KNDC1: variants seen among roughly 807,000 people sequenced by gnomAD.
The protein encoded by KNDC1 is kinase non-catalytic C-lobe domain containing 1, also known as kinase non-catalytic C-lobe domain-containing protein 1.
KNDC1 carries 106 observed loss-of-function variants against 172.8 expected under a neutral mutation model. The ratio of observed to expected loss-of-function variants is 0.61; its 90% CI spans 0.52 to 0.72. The LOEUF (loss-of-function observed/expected upper bound fraction) is 0.72, where lower values mean the gene tolerates loss of function less well. Among genes scored for constraint, KNDC1 ranks in the 30% least tolerant of loss-of-function variants. KNDC1 has a pLI of 0.00. For synonymous variants in KNDC1, 1,083 were observed against 1,062.2 expected (o/e 1.02, Z -0.38); for missense variants, 2,325 against 2,394.5 (o/e 0.97, Z 0.61).
chr10:133,162,421 G>A (rs1367037120), intron 1 of KNDC1, among the ~76,000 whole-genome samples: 1 of 152,144 alleles, frequency 6.6e-6, no homozygotes, highest in Non-Finnish European at 1.5e-5. Context: ...GCACGGTGGC[G>A]CCAGGCCCAG....
intron 20 of KNDC1, 73 bp downstream of exon 20, chr10:133,207,424 C>A: frequency 7.3e-7 from 1 of 1,374,606 alleles, no homozygotes; most frequent in Non-Finnish European, 1.0e-6. Flanking sequence ...GGGAACGTGC[C>A]CTCGCCAGTC....
At chr10:133,219,316 G>A (rs1029356803) in intron 28 of KNDC1, among the ~76,000 whole-genome samples, 6 of 152,252 alleles carry the variant, frequency 3.9e-5, no homozygotes, top group African/African-American at 1.4e-4. Context: ...TTGCTGGTCT[G>A]AGTTCCTCAC....
chr10:133,218,936 G>T lies in KNDC1; in HGVS notation c.4783G>T (p.Ala1595Ser). 6.2e-7 allele frequency: 1 copy of T among 1,613,792 alleles called. No homozygotes were observed. Among genetic ancestry groups the T allele is most frequent in the East Asian group, 2.2e-5 (1 of 44,886 alleles). ...GATCCTGAGCGGGCTGGAGCACCTG[G>T]CCGTGAGGCAGTCCCCTGTGCGTCC... ...MQILSGLEHL[A>S]VRQSPAWRIL... is the part of the protein sequence containing the mutation. Residue 1595 changes from alanine to serine, a missense_variant, in exon 27 of 30, where the codon GCC becomes TCC. Transcript: ENST00000304613.
At chr10:133,189,023 C>T (rs949133686) in intron 7 of KNDC1, among the ~76,000 whole-genome samples, 2 of 152,132 alleles carry the variant, frequency 1.3e-5, no homozygotes, top group Admixed American at 1.3e-4. Flanking sequence ...ACATTCTCAA[C>T]ACAGTGACAT....
intron 26 of KNDC1, among the ~76,000 whole-genome samples, chr10:133,214,754 G>T (rs1845441539): frequency 6.6e-6 from 1 of 152,246 alleles, no homozygotes; most frequent in Non-Finnish European, 1.5e-5. Context: ...CCGGGGCCCA[G>T]TCTCAGCCTC....
intron 17 of KNDC1, among the ~76,000 whole-genome samples, chr10:133,203,914 G>A (rs1222931529): frequency 6.6e-6 from 1 of 152,252 alleles, no homozygotes; most frequent in Non-Finnish European, 1.5e-5. Flanking sequence ...GTGCCGGCCA[G>A]AGAGGAGTCT....
intron 6 of KNDC1, among the ~76,000 whole-genome samples, chr10:133,188,331 C>G (rs951757825): frequency 2.0e-5 from 3 of 152,284 alleles, no homozygotes; most frequent in African/African-American, 7.2e-5. Flanking sequence ...GACGTTCCCA[C>G]CCACAGGGCC....
At chr10:133,185,841 G>GGGGT (rs1564883780) in intron 5 of KNDC1, 133 bp from the exon 6 acceptor site, 1 of 70,814 alleles carries the variant, frequency 1.4e-5, no homozygotes, top group Non-Finnish European at 2.9e-5. Context: ...GGGGAGGAGA[G>GGGGT]GGGAGGGGAG....
At position 133,211,799 on chromosome 10, in the gene KNDC1, G is replaced by T; in HGVS notation, c.4177G>T (p.Asp1393Tyr). Residue 1393 changes from aspartate (D) to tyrosine (Y), a missense_variant, in exon 23 of 30, where the codon GAT (aspartate) becomes TAT (tyrosine). Asp to Tyr is a radical substitution (Grantham distance 160). Transcript: ENST00000304613. ...GGAGAACCCCAGGGAGGCCGAGGAG[G>T]ATGCCAGACCCTTCAACGCCCTCTG... ...DLENPREAEE[D>Y]ARPFNALCKR... 6.2e-7 allele frequency: 1 copy of T among 1,610,348 alleles called. No individual in the cohort carries two copies. Among genetic ancestry groups the T allele is most frequent in the Non-Finnish European group, 8.5e-7 (1 of 1,179,244 alleles).
chr10:133,166,927 G>T (rs1465963856), intron 1 of KNDC1, among the ~76,000 whole-genome samples: 1 of 152,198 alleles, frequency 6.6e-6, no homozygotes, highest in Non-Finnish European at 1.5e-5. Context: ...CAGCGCGTGT[G>T]GTTGTAAGTC....
rs748100483 is a variant in KNDC1, at chr10:133,186,255, C to G, written c.907C>G (p.Arg303Gly). ...DRDALRRSRL[R>G]KVQTFPRLLS... ...AGACGCCCTCAGGAGAAGCCGCCTG[C>G]GGAAGGTGCAGACGTTCCCTAGGCT... The change falls in exon 6 of 30, where the codon CGG becomes GGG. Residue 303 changes from arginine (R) to glycine (G), a missense_variant. By Grantham distance (125) the Arg-to-Gly change is moderately radical. Coordinates refer to ENST00000304613, the MANE Select transcript of KNDC1 (RefSeq NM_152643.8). The G allele has an allele frequency of 6.2e-7, 1 of 1,600,916 alleles. No homozygotes were observed. The highest frequency in any genetic ancestry group is 1.7e-5 in the Admixed American group (1 of 58,094).
At chr10:133,180,204 C>T (rs896965860) in intron 3 of KNDC1, among the ~76,000 whole-genome samples, 12 of 152,262 alleles carry the variant, frequency 7.9e-5, no homozygotes, top group African/African-American at 2.7e-4. Context: ...CTGACCCCCG[C>T]GGGCAGCACA....
At position 133,195,737 on chromosome 10, in the gene KNDC1, C is replaced by T. The variant is rs780596493; in HGVS notation, c.1650C>T (p.Ala550=). The T allele has an allele frequency of 6.2e-7, 1 of 1,612,208 alleles. No individual in the cohort carries two copies. The highest frequency in any genetic ancestry group is 8.5e-7 in the Non-Finnish European group (1 of 1,179,526). Residue 550 remains alanine (A), a synonymous_variant, in exon 10 of 30, where the codon GCC becomes GCT. Transcript: ENST00000304613. ...KFSVPRNHKL[A]LPRRLKTLLL... is the part of the protein sequence containing the mutation. ...GCGTCCCCCGCAACCACAAGCTGGC[C>T]CTGCCACGCAGGCTCAAGACCCTCC...
chr10:133,200,821 A>AG (rs1854343622), intron 16 of KNDC1, among the ~76,000 whole-genome samples: 1 of 152,028 alleles, frequency 6.6e-6, no homozygotes. Flanking sequence ...CTCCAAGCAG[A>AG]GGGGGGCCTG....
chr10:133,213,257 G>A (rs949615141), intron 24 of KNDC1, among the ~76,000 whole-genome samples: 3 of 152,296 alleles, frequency 2.0e-5, no homozygotes, highest in East Asian at 1.9e-4. Context: ...CCCCTCCACC[G>A]GAGCTGGGCC....
At chr10:133,210,364 CAAAAAAAAAAAAAA>C (rs57759593) in intron 20 of KNDC1, among the ~76,000 whole-genome samples, 3 of 74,442 alleles carry the variant, frequency 4.0e-5, no homozygotes, top group South Asian at 7.6e-4. Context: ...GAAACTCTGC[CAAAAAAAAAAAAAA>C]AAAAAAAAAA....
chr10:133,205,930 G>T (rs886419555), intron 17 of KNDC1, among the ~76,000 whole-genome samples: 2 of 152,182 alleles, frequency 1.3e-5, no homozygotes, highest in African/African-American at 4.8e-5. Context: ...GCCAGGCGTG[G>T]TGGCTCACAC....
Position 133,220,041 on chromosome 10 carries a change from C to G in KNDC1, c.4947C>G (p.Ala1649=). 1 of 1,559,604 alleles carries G rather than the reference C, an allele frequency of 6.4e-7. No individual in the cohort carries two copies. The highest frequency in any genetic ancestry group is 8.7e-7 in the Non-Finnish European group (1 of 1,151,794). The stretch of plus-strand genomic sequence containing the variant: ...CCCTGCCCTCGGCCCACCTCCTGGC[C>G]ATGCACATCCAGCAGCTGGAGACAG... ...QPTLPSAHLL[A]MHIQQLETGG... is the part of the protein sequence containing the mutation. Residue 1649 remains alanine, a synonymous_variant, in exon 29 of 30, where the codon GCC becomes GCG. Transcript: ENST00000304613.
At chr10:133,213,023 A>T in intron 24 of KNDC1, 101 bp downstream of exon 24, 1 of 1,087,616 alleles carries the variant, frequency 9.2e-7, no homozygotes, top group Non-Finnish European at 1.3e-6. Context: ...AGAGGAACAG[A>T]CGGGCAGAGA....
Sources: allele counts gnomAD v4.1 joint callset (sites outside exome capture counted in the v4.1 genomes callset), GRCh38; gene constraint gnomAD v4.1.1; transcripts MANE v1.5; gene names NCBI Gene and HGNC (gene_info 2026-07-23, HGNC 2026-07-21).